Variants in EIF4G3 observed in about 807,000 individuals in gnomAD.
The protein encoded by EIF4G3 is eIF-4-gamma 3.
Under a neutral mutation model 186.4 loss-of-function variants are expected in EIF4G3, and 34 were observed. The observed-to-expected ratio is 0.18, with a 90% CI of 0.14 to 0.24. The LOEUF (loss-of-function observed/expected upper bound fraction) is 0.24, where lower values mean the gene tolerates loss of function less well. Ranked by LOEUF, EIF4G3 falls within the 10% of genes least tolerant of loss-of-function variation. The pLI is 1.00. For synonymous variants in EIF4G3, 673 were observed against 679.5 expected (o/e 0.99, Z 0.15); for missense variants, 1,536 against 1,948.5 (o/e 0.79, Z 3.99).
At chr1:20,965,862 A>G (rs1280308790) in intron 12 of EIF4G3, among the ~76,000 whole-genome samples, 3 of 152,156 alleles carry the variant, frequency 2.0e-5, no homozygotes, top group African/African-American at 7.2e-5. Context: ...TCTCTGTGTG[A>G]TAGGTTTTAC....
At chr1:20,925,409 CAATA>C (rs2094816498) in intron 14 of EIF4G3, among the ~76,000 whole-genome samples, 3 of 152,118 alleles carry the variant, frequency 2.0e-5, no homozygotes, top group Admixed American at 2.0e-4. Context: ...GTCTGGGACT[CAATA>C]AATACCTGTT....
In EIF4G3 at chr1:20,998,212, TACACAC is replaced by T. The variant is rs5772928; in HGVS notation, c.145-585_145-580del. On this transcript the variant is annotated intron_variant, in intron 6 of 36. Coordinates refer to ENST00000602326, the MANE Select transcript of EIF4G3 (RefSeq NM_001391906.1). ...GTTAAAGAAAAATCTTTTATGACTT[TACACAC>T]ACACACACACACACACACACACACA... 2.3e-3 allele frequency among the ~76,000 whole-genome samples: 343 copies of T among 148,576 alleles called. 4 individuals carry two copies. Among genetic ancestry groups the T allele is most frequent in the East Asian group, 0.017 (87 of 5,084 alleles).
rs2096330340 is a variant in EIF4G3, at chr1:21,095,114, C to A, written c.-271-5901G>T. Among the ~76,000 whole-genome samples, 4 of 152,266 alleles carry A rather than the reference C, an allele frequency of 2.6e-5. No individual in the cohort carries two copies. The South Asian group carries it at 8.3e-4, about 32-fold the overall frequency. ...TACAGTGGTTATGTATATTACTTAA[C>A]ACGCCTAGCAGAATCTAGGCAGCAC... On this transcript the variant is annotated intron_variant, in intron 2 of 36. Coordinates refer to ENST00000602326, the MANE Select transcript of EIF4G3 (RefSeq NM_001391906.1).
chr1:20,832,534 C>T (rs1327311547), intron 30 of EIF4G3, among the ~76,000 whole-genome samples: 4 of 144,298 alleles, frequency 2.8e-5, no homozygotes, highest in Non-Finnish European at 4.6e-5. Context: ...GAGTAGGTTG[C>T]GAAAATTTTC....
intron 2 of EIF4G3, among the ~76,000 whole-genome samples, chr1:21,118,773 G>A (rs1237081498): frequency 3.4e-5 from 5 of 146,810 alleles, no homozygotes; most frequent in South Asian, 4.3e-4. Flanking sequence ...GCGACAGAGC[G>A]AGACTACATC....
At chr1:20,893,743 C>T (rs2086907255) in intron 17 of EIF4G3, 107 bp from the exon 18 acceptor site, 4 of 1,315,036 alleles carry the variant, frequency 3.0e-6, no homozygotes, top group Non-Finnish European at 3.0e-6. Flanking sequence ...AAACGGTAAG[C>T]ACCAGCTTTG....
chr1:21,080,501 T>G (rs2095741170), intron 3 of EIF4G3, among the ~76,000 whole-genome samples: 2 of 151,904 alleles, frequency 1.3e-5, no homozygotes, highest in African/African-American at 4.8e-5. Flanking sequence ...TTATAGGAAT[T>G]TCTTTCTTCC....
At chr1:21,080,453 A>G (rs915783297) in intron 3 of EIF4G3, among the ~76,000 whole-genome samples, 2 of 151,788 alleles carry the variant, frequency 1.3e-5, no homozygotes, top group Admixed American at 1.3e-4. Flanking sequence ...AAAAAAGAAA[A>G]AAAAAAGAGC....
Position 21,138,520 on chromosome 1 carries a change from T to A in EIF4G3, c.-272+37655A>T, listed in dbSNP as rs1192511554. 5.3e-5 allele frequency among the ~76,000 whole-genome samples: 8 copies of A among 152,174 alleles called. No homozygotes were observed. In the East Asian group the frequency reaches 1.5e-3, roughly 29 times the overall value. ...CCAAAGGAAATATGAATGATCTTAA[T>A]TAATATCAAGATGTCCTGTGGGGCA... On this transcript the variant is annotated intron_variant, in intron 2 of 36. Transcript: ENST00000602326.
chr1:20,811,802 A>C (rs997125071), intron 35 of EIF4G3, among the ~76,000 whole-genome samples: 10 of 152,248 alleles, frequency 6.6e-5, no homozygotes, highest in African/African-American at 2.4e-4. Flanking sequence ...ATAATTTGTC[A>C]ATCAAAAATA....
intron 13 of EIF4G3, among the ~76,000 whole-genome samples, chr1:20,948,230 C>T (rs934197197): frequency 6.6e-6 from 1 of 152,104 alleles, no homozygotes; most frequent in Non-Finnish European, 1.5e-5. Flanking sequence ...AAAAACATTC[C>T]GAATTTTGAC....
intron 2 of EIF4G3, among the ~76,000 whole-genome samples, chr1:21,107,764 A>C (rs530805282): frequency 1.3e-4 from 20 of 152,150 alleles, no homozygotes; most frequent in African/African-American, 4.6e-4. Context: ...CTGCAGCCTC[A>C]ACTGCCCCGA....
chr1:20,985,969 C>G (rs72986094), intron 7 of EIF4G3, among the ~76,000 whole-genome samples: 4,418 of 152,268 alleles, frequency 0.029, 206 homozygotes, highest in African/African-American at 0.098. Context: ...TAAAACCACA[C>G]AGATGTCAAA....
chr1:20,956,617 C>CAA (rs61623629), intron 12 of EIF4G3, among the ~76,000 whole-genome samples: 1,572 of 114,532 alleles, frequency 0.014, 65 homozygotes, highest in South Asian at 0.035. Flanking sequence ...GTATAATTTA[C>CAA]AAAAAAAAAA....
At chr1:21,066,221 A>G (rs2095233568) in intron 3 of EIF4G3, among the ~76,000 whole-genome samples, 1 of 151,918 alleles carries the variant, frequency 6.6e-6, no homozygotes. Flanking sequence ...AATTTTTTAA[A>G]GAGTTATGGC....
chr1:21,130,440 G>C (rs983798458), intron 2 of EIF4G3, among the ~76,000 whole-genome samples: 2 of 151,654 alleles, frequency 1.3e-5, no homozygotes, highest in Non-Finnish European at 2.9e-5. Flanking sequence ...TGTTGGCCAG[G>C]GTGGTCTTGA....
intron 4 of EIF4G3, among the ~76,000 whole-genome samples, chr1:21,046,136 T>C (rs2093873150): frequency 6.6e-6 from 1 of 152,206 alleles, no homozygotes; most frequent in African/African-American, 2.4e-5. Flanking sequence ...TCCAAACTAT[T>C]TACTCTTCCC....
At chr1:20,992,892 C>T (rs2081421797) in intron 7 of EIF4G3, among the ~76,000 whole-genome samples, 2 of 152,088 alleles carry the variant, frequency 1.3e-5, no homozygotes, top group South Asian at 4.1e-4. Flanking sequence ...GGCCAGAATC[C>T]AAATTATACC....
intron 3 of EIF4G3, among the ~76,000 whole-genome samples, chr1:21,070,798 T>G (rs944564407): frequency 2.0e-5 from 3 of 152,204 alleles, no homozygotes; most frequent in Non-Finnish European, 4.4e-5. Context: ...ATAAACATTC[T>G]TGACAGCACA....
Sources: allele counts gnomAD v4.1 joint callset (sites outside exome capture counted in the v4.1 genomes callset), GRCh38; gene constraint gnomAD v4.1.1; transcripts MANE v1.5; gene names NCBI Gene and HGNC (gene_info 2026-07-23, HGNC 2026-07-21).